Variants in CHRDL2 observed in about 807,000 individuals in gnomAD.
CHRDL2 encodes chordin-like protein 2.
CHRDL2 carries 41 observed loss-of-function variants against 54.3 expected under a neutral mutation model. The ratio of observed to expected loss-of-function variants is 0.76; its 90% CI spans 0.59 to 0.98. CHRDL2 has a LOEUF of 0.98. Among genes scored for constraint, CHRDL2 ranks in the 50% least tolerant of loss-of-function variants. CHRDL2 has a pLI of 0.00. For synonymous variants in CHRDL2, 220 were observed against 224.3 expected (o/e 0.98, Z 0.17); for missense variants, 518 against 562.4 (o/e 0.92, Z 0.80).
intron 5 of CHRDL2, 96 bp from the exon 6 acceptor site, chr11:74,706,638 A>G (rs979476091): frequency 1.7e-6 from 2 of 1,181,532 alleles, no homozygotes; most frequent in African/African-American, 3.0e-5. Context: ...TCCATTCCCA[A>G]GGCCTGCTGT....
intron 1 of CHRDL2, among the ~76,000 whole-genome samples, chr11:74,723,361 A>G (rs990179048): frequency 1.3e-5 from 2 of 152,174 alleles, no homozygotes; most frequent in Non-Finnish European, 2.9e-5. Context: ...GATACATTCC[A>G]AGACCCCCAG....
chr11:74,710,894 C>G lies in CHRDL2; in HGVS notation c.387G>C (p.Leu129=), dbSNP rs149329913. The change falls in exon 4 of 11, where the codon CTG becomes CTC. Residue 129 remains leucine, a synonymous_variant. Transcript: ENST00000376332. The part of the protein sequence containing the change: ...QHGEIFSAHE[L]FPSRLPNQCV... ...ACTGGTTGGGCAGGCGGGAGGGGAACAGCTCATGGGCACTGAAGATCTCTC... is the reference window on the plus strand; with the variant it reads ...ACTGGTTGGGCAGGCGGGAGGGGAAGAGCTCATGGGCACTGAAGATCTCTC... The G allele has an allele frequency of 1.2e-6, 2 of 1,614,116 alleles. No individual in the cohort carries two copies. Among genetic ancestry groups the G allele is most frequent in the South Asian group, 2.2e-5 (2 of 91,062 alleles).
At chr11:74,709,987 C>A (rs1036813834) in intron 4 of CHRDL2, among the ~76,000 whole-genome samples, 2 of 152,028 alleles carry the variant, frequency 1.3e-5, no homozygotes, top group Admixed American at 6.6e-5. Context: ...GAGGCCGAGG[C>A]GGGCAGATCA....
At chr11:74,706,932 C>T (rs142919968) in intron 5 of CHRDL2, among the ~76,000 whole-genome samples, 59 of 152,336 alleles carry the variant, frequency 3.9e-4, no homozygotes, top group Admixed American at 2.2e-3. Context: ...CCCATCCCTG[C>T]AGCCTGCATA....
intron 6 of CHRDL2, 101 bp from the exon 7 acceptor site, chr11:74,704,755 C>T (rs767179193): frequency 8.4e-7 from 1 of 1,196,800 alleles, no homozygotes; most frequent in South Asian, 1.4e-5. Context: ...TGTGGGGAGA[C>T]CCCAGCATGA....
intron 1 of CHRDL2, among the ~76,000 whole-genome samples, chr11:74,729,498 C>T (rs1479036076): frequency 1.3e-5 from 2 of 152,216 alleles, no homozygotes; most frequent in Admixed American, 1.3e-4. Context: ...CAACACTGAG[C>T]TAATTCCATT....
intron 2 of CHRDL2, among the ~76,000 whole-genome samples, chr11:74,718,367 C>A (rs111268481): frequency 1.2e-4 from 18 of 151,908 alleles, no homozygotes; most frequent in African/African-American, 3.9e-4. Context: ...GGAAATAGTA[C>A]GTGAAAAGAA....
chr11:74,710,033 G>A (rs1453500058), intron 4 of CHRDL2, among the ~76,000 whole-genome samples: 2 of 152,012 alleles, frequency 1.3e-5, no homozygotes, highest in Middle Eastern at 3.2e-3. Flanking sequence ...TGGCTAACAC[G>A]GTGAAACCCC....
At chr11:74,727,081 C>T (rs11236233) in intron 1 of CHRDL2, among the ~76,000 whole-genome samples, 46,911 of 152,056 alleles carry the variant, frequency 0.31, 8,394 homozygotes, top group East Asian at 0.53. Flanking sequence ...GGCAACCACA[C>T]CTTTGGGTTT....
rs1190716613 is a variant in CHRDL2 at position 74,731,119 on chromosome 11, G to A, written c.-231C>T. 4 of 552,476 alleles carry A rather than the reference G, an allele frequency of 7.2e-6. No homozygotes were observed. The highest frequency in any genetic ancestry group is 3.1e-5 in the East Asian group (1 of 31,998). 34.2% of individuals were successfully genotyped at this position (552,476 alleles called of 1,614,324 possible). On this transcript the variant is annotated 5_prime_UTR_variant, in exon 1 of 11. Transcript: ENST00000376332. This position sits in a 1 kb window ranked among gnomAD's most constrained non-coding sequence, Gnocchi z 4.4. ...GGAAAGAGAACGCGGGGAAAGGAGG[G>A]AGAGATGGAGAGACGAAGGAAGGTC...
intron 2 of CHRDL2, 61 bp from the exon 3 acceptor site, chr11:74,713,540 TC>T: frequency 7.3e-7 from 1 of 1,372,366 alleles, no homozygotes; most frequent in Non-Finnish European, 1.0e-6. Context: ...CCTGTACCTG[TC>T]CTTTCCCAAA....
Position 74,731,043 on chromosome 11 carries a change from G to T in CHRDL2, c.-155C>A. On this transcript the variant is annotated 5_prime_UTR_variant, in exon 1 of 11. Transcript: ENST00000376332. This position sits in a 1 kb window ranked among gnomAD's most constrained non-coding sequence, Gnocchi z 4.4. ...GAGAAGGGCCAGGAAGCAGCGGTGG[G>T]CAGGAAAGGAGGGCAGGAAGGGAGG... 3 of 618,958 alleles carry T rather than the reference G, an allele frequency of 4.8e-6. No homozygotes were observed. The highest frequency in any genetic ancestry group is 8.6e-6 in the Non-Finnish European group (3 of 349,910). The allele number at this position is 618,958 out of a possible 1,614,324, so 38.3% of individuals were successfully genotyped here.
chr11:74,705,726 C>T (rs998628862), intron 6 of CHRDL2, among the ~76,000 whole-genome samples: 2 of 152,148 alleles, frequency 1.3e-5, no homozygotes, highest in East Asian at 3.9e-4. Context: ...GGCTTAGGTC[C>T]TGTGGTACCC....
At chr11:74,724,435 C>G (rs1381797430) in intron 1 of CHRDL2, among the ~76,000 whole-genome samples, 3 of 152,248 alleles carry the variant, frequency 2.0e-5, no homozygotes, top group Non-Finnish European at 4.4e-5. Context: ...GTTTACCAGA[C>G]AGATTCCAAA....
intron 2 of CHRDL2, among the ~76,000 whole-genome samples, chr11:74,716,569 GA>G: frequency 6.9e-6 from 1 of 145,164 alleles, no homozygotes; most frequent in South Asian, 2.2e-4. Flanking sequence ...AGAAAGAAAA[GA>G]AAAGAAATTG....
chr11:74,727,917 G>A, intron 1 of CHRDL2, among the ~76,000 whole-genome samples: 1 of 152,202 alleles, frequency 6.6e-6, no homozygotes, highest in East Asian at 1.9e-4. Context: ...CGAGTGTCTA[G>A]AGTGACCAGC....
chr11:74,714,227 T>G (rs1214622887), intron 2 of CHRDL2, among the ~76,000 whole-genome samples: 1 of 152,104 alleles, frequency 6.6e-6, no homozygotes, highest in Non-Finnish European at 1.5e-5. Context: ...TGCATTGTGA[T>G]GAACCATTTA....
At chr11:74,700,699 C>T (rs1353642558) in intron 9 of CHRDL2, among the ~76,000 whole-genome samples, 1 of 149,816 alleles carries the variant, frequency 6.7e-6, no homozygotes, top group Non-Finnish European at 1.5e-5. Flanking sequence ...AGTGCAGTGG[C>T]ACGATCTTAG....
intron 3 of CHRDL2, among the ~76,000 whole-genome samples, chr11:74,712,594 TC>T (rs1228790146): frequency 1.3e-5 from 2 of 151,360 alleles, no homozygotes; most frequent in African/African-American, 4.9e-5. Flanking sequence ...CCTACTGGGC[TC>T]CCCCCTGGAA....
Sources: gnomAD v4.1 joint callset for allele counts (sites outside exome capture counted in the v4.1 genomes callset) on GRCh38, gnomAD v4.1.1 for gene constraint, Gnocchi (gnomAD v3.1) non-coding constraint, MANE v1.5 for transcripts, NCBI Gene and HGNC (gene_info 2026-07-23, HGNC 2026-07-21) for gene names.